BAZ1B: variants seen among roughly 807,000 people sequenced by gnomAD.
BAZ1B encodes the protein tyrosine-protein kinase BAZ1B.
In BAZ1B, 22 loss-of-function variants were observed where a neutral mutation model predicts 153.8. The observed-to-expected ratio is 0.14, with a 90% CI of 0.10 to 0.20. The LOEUF (loss-of-function observed/expected upper bound fraction) is 0.20. Ranked by LOEUF, BAZ1B falls within the 10% of genes least tolerant of loss-of-function variation. The pLI is 1.00. For synonymous variants in BAZ1B, 676 were observed against 633.4 expected (o/e 1.07, Z -1.01); for missense variants, 1,325 against 1,799.3 (o/e 0.74, Z 4.77).
intron 3 of BAZ1B, among the ~76,000 whole-genome samples, chr7:73,500,325 C>T (rs1790074583): frequency 6.7e-6 from 1 of 149,346 alleles, no homozygotes; most frequent in East Asian, 2.0e-4. Flanking sequence ...ACTGCTTGAG[C>T]CCAGGAGTTC....
intron 1 of BAZ1B, among the ~76,000 whole-genome samples, chr7:73,519,232 G>C (rs1413166202): frequency 3.9e-5 from 6 of 151,986 alleles, no homozygotes; most frequent in African/African-American, 7.3e-5. Flanking sequence ...GCAATCAAAA[G>C]GTAGGTATTA....
At chr7:73,511,169 G>A (rs1790561946) in intron 1 of BAZ1B, among the ~76,000 whole-genome samples, 1 of 152,128 alleles carries the variant, frequency 6.6e-6, no homozygotes. Flanking sequence ...TCAGGAGGCT[G>A]AGGCAGGAGA....
chr7:73,497,065 CAAAAA>C (rs1156829240), intron 4 of BAZ1B, among the ~76,000 whole-genome samples: 14 of 49,528 alleles, frequency 2.8e-4, no homozygotes, highest in African/African-American at 1.2e-3. Flanking sequence ...CTGACCTCTA[CAAAAA>C]AAAAAAAAAA....
Position 73,442,215 on chromosome 7 carries a change from C to T in BAZ1B, c.4433G>A (p.Gly1478Glu). ...SEPEAVGQSR[G>E]RRQKK ...GCCTCTCTACTTCTTCTGTCTTCGT[C>T]CCCTGGACTGTCCAACGGCCTCTGG... The change falls in exon 19 of 20, where the codon GGA becomes GAA. Residue 1478 changes from glycine (G) to glutamate (E), a missense_variant. Gly to Glu is a moderately conservative substitution (Grantham distance 98). Transcript: ENST00000339594. 2 of 1,384,506 alleles carry T rather than the reference C, an allele frequency of 1.4e-6. No homozygotes were observed. Among genetic ancestry groups the T allele is most frequent in the Non-Finnish European group, 1.9e-6 (2 of 1,036,306 alleles). The allele number at this position is 1,384,506 out of a possible 1,614,324, so 85.8% of individuals were successfully genotyped here.
In BAZ1B at chr7:73,464,200, A is replaced by C. The variant is rs1164190770; in HGVS notation, c.3072-1101T>G. 5 of 977,270 alleles carry C rather than the reference A, an allele frequency of 5.1e-6. No homozygotes were observed. In the African/African-American group the frequency reaches 8.8e-5, roughly 17 times the overall value. The allele number at this position is 977,270 out of a possible 1,614,324, so 60.5% of individuals were successfully genotyped here. On this transcript the variant is annotated intron_variant, in intron 11 of 19. Coordinates refer to ENST00000339594, the MANE Select transcript of BAZ1B (RefSeq NM_032408.4). The stretch of plus-strand genomic sequence containing the variant: ...TTCCTTCTCTCTTCCATCAAACCTA[A>C]ATTCAACCGTGAAATTGAGCACAGA...
chr7:73,505,663 A>G (rs1036494683), intron 3 of BAZ1B, among the ~76,000 whole-genome samples: 11 of 151,648 alleles, frequency 7.3e-5, no homozygotes, highest in Admixed American at 2.6e-4. Flanking sequence ...CAATTCTCCC[A>G]CTTCGGCCTC....
intron 19 of BAZ1B, 126 bp from the exon 20 acceptor site, chr7:73,441,819 A>C: frequency 3.9e-6 from 1 of 259,154 alleles, no homozygotes; most frequent in Non-Finnish European, 7.4e-6. Context: ...CGATCCTGCT[A>C]TGTAACACAG....
intron 4 of BAZ1B, among the ~76,000 whole-genome samples, chr7:73,493,244 T>A (rs943265592): frequency 2.0e-5 from 3 of 152,040 alleles, no homozygotes; most frequent in African/African-American, 4.8e-5. Context: ...GCGGATCACC[T>A]GAGGTCGGGA....
intron 7 of BAZ1B, among the ~76,000 whole-genome samples, chr7:73,471,267 A>G (rs1340205098): frequency 6.6e-6 from 1 of 152,250 alleles, no homozygotes; most frequent in African/African-American, 2.4e-5. Flanking sequence ...CCTGAAAAGC[A>G]ACAGCAGGGA....
intron 13 of BAZ1B, among the ~76,000 whole-genome samples, chr7:73,452,951 C>A (rs1271200673): frequency 1.3e-5 from 2 of 152,132 alleles, no homozygotes; most frequent in Non-Finnish European, 2.9e-5. Context: ...AACAATATAT[C>A]AGTCTTTTCT....
chr7:73,459,766 G>A, intron 12 of BAZ1B, 48 bp from the exon 13 acceptor site: 1 of 1,507,640 alleles, frequency 6.6e-7, no homozygotes, highest in Non-Finnish European at 8.9e-7. Context: ...CCCAGAGGAA[G>A]ACGAAAGGAA....
In BAZ1B at chr7:73,451,001, A is replaced by G; in HGVS notation, c.3433-7T>C. On this transcript the variant is annotated splice_region_variant and splice_polypyrimidine_tract_variant and intron_variant, in intron 13 of 19. Transcript: ENST00000339594. ...TCTCCAGTGCAGATGCAACCTAAAC[A>G]GAGACCAAACCAGGCCAGCATTACT... 1 of 1,613,920 alleles carries G rather than the reference A, an allele frequency of 6.2e-7. No individual in the cohort carries two copies. Among genetic ancestry groups the G allele is most frequent in the Non-Finnish European group, 8.5e-7 (1 of 1,179,826 alleles).
chr7:73,503,377 CTCTT>C (rs2116430651), intron 3 of BAZ1B, among the ~76,000 whole-genome samples: 1 of 151,876 alleles, frequency 6.6e-6, no homozygotes, highest in Non-Finnish European at 1.5e-5. Context: ...CTTCCCTTTC[CTCTT>C]TTTTTTGTTT....
intron 12 of BAZ1B, among the ~76,000 whole-genome samples, chr7:73,459,986 G>A (rs1351854252): frequency 6.6e-6 from 1 of 152,072 alleles, no homozygotes; most frequent in Non-Finnish European, 1.5e-5. Context: ...CCTGAGGTCA[G>A]GAGTTCAAGA....
Position 73,478,354 on chromosome 7 carries a change from C to T in BAZ1B, c.1107G>A (p.Met369Ile). ...SKSPEEHLEEMMKMMSPNKLH... is the reference protein window; with the variant it reads ...SKSPEEHLEEIMKMMSPNKLH... ...GCTTATTGGGCGACATCATCTTCAT[C>T]ATTTCTTCTAGATGTTCTTCAGGAG... Residue 369 changes from methionine to isoleucine, a missense_variant, in exon 7 of 20, where the codon ATG becomes ATA. This residue lies in a region of BAZ1B where 219 missense variants were observed against 248.2 expected (regional missense o/e 0.88). Transcript: ENST00000339594. 6.2e-7 allele frequency: 1 copy of T among 1,612,478 alleles called. No individual in the cohort carries two copies.
intron 13 of BAZ1B, among the ~76,000 whole-genome samples, chr7:73,457,322 T>G (rs1318180470): frequency 6.6e-6 from 1 of 151,988 alleles, no homozygotes; most frequent in African/African-American, 2.4e-5. Context: ...AGAATACAGG[T>G]GTGCGCCACC....
chr7:73,500,720 G>A (rs1790092776), intron 3 of BAZ1B, among the ~76,000 whole-genome samples: 1 of 151,240 alleles, frequency 6.6e-6, no homozygotes, highest in Non-Finnish European at 1.5e-5. Context: ...GTGAAACTTC[G>A]TCTCTACTAA....
intron 3 of BAZ1B, among the ~76,000 whole-genome samples, chr7:73,501,753 C>T (rs782444671): frequency 6.6e-6 from 1 of 152,172 alleles, no homozygotes; most frequent in Non-Finnish European, 1.5e-5. Context: ...ACTCAACCTA[C>T]AGGCTTCACC....
chr7:73,512,281 TTA>T (rs770161735), intron 1 of BAZ1B, among the ~76,000 whole-genome samples: 74 of 151,892 alleles, frequency 4.9e-4, no homozygotes, highest in Admixed American at 1.1e-3. Context: ...TCTTAAAACA[TTA>T]TGAGTTTTTT....
Sources: allele counts gnomAD v4.1 joint callset (sites outside exome capture counted in the v4.1 genomes callset), GRCh38; gene constraint gnomAD v4.1.1; regional missense constraint gnomAD v4.1.1; transcripts MANE v1.5; gene names NCBI Gene and HGNC (gene_info 2026-07-23, HGNC 2026-07-21).